ARMCX6: variants seen among roughly 807,000 people sequenced by gnomAD.
The protein encoded by ARMCX6 is armadillo repeat containing X-linked 6, also known as protein ARMCX6.
For missense variants in ARMCX6, 194 were observed against 186.0 expected (o/e 1.04, Z -0.25); for synonymous variants, 85 against 70.3 (o/e 1.21, Z -1.05).
chrX:101,616,918 C>T (rs1556036170), intron 2 of ARMCX6, 152 bp from the exon 3 acceptor site: 2 of 294,918 alleles, frequency 6.8e-6, no homozygotes, highest in Non-Finnish European at 1.2e-5. Context: ...ACCTCAGGAG[C>T]CCCCATTTCT....
At chrX:101,616,971 A>G (rs1473232825) in intron 2 of ARMCX6, 2 of 209,024 alleles carry the variant, frequency 9.6e-6, no homozygotes, top group East Asian at 8.8e-5. Flanking sequence ...GGTCTCTGCT[A>G]TGATAGCTAG....
chrX:101,617,050 C>T, intron 2 of ARMCX6: 1 of 131,052 alleles, frequency 7.6e-6, no homozygotes, highest in Non-Finnish European at 1.5e-5. Flanking sequence ...AGATTAAGGG[C>T]AGTTTCTCTC....
At position 101,616,318 on chromosome X, in the gene ARMCX6, T is replaced by C. The variant is rs782137899; in HGVS notation, c.303A>G (p.Lys101=). 15 of 1,209,480 alleles carry C rather than the reference T, an allele frequency of 1.2e-5. No homozygotes were observed. The highest frequency in any genetic ancestry group is 1.7e-5 in the Non-Finnish European group (15 of 895,092). The change falls in exon 3 of 3, where the codon AAA becomes AAG. Residue 101 remains lysine (K), a synonymous_variant. Coordinates refer to ENST00000361910, the MANE Select transcript of ARMCX6 (RefSeq NM_019007.4). ...TATGTTCATAGGGGAATGGCCGCTG[T>C]TTTATTGGGTGTGCTCGGTTGGCCT... ...GGKANRAHPI[K]QRPFPYEHKN...
Position 101,616,186 on chromosome X carries a change from C to G in ARMCX6, c.435G>C (p.Ala145=). ...GKLLFAEPKD[A]GFPFSQDINS... ...TGATATCCTGGCTAAATGGAAAGCC[C>G]GCATCCTTGGGCTCGGCAAACAACA... is the stretch of plus-strand genomic sequence containing the variant. Residue 145 remains alanine (A), a synonymous_variant, in exon 3 of 3, where the codon GCG becomes GCC. Coordinates refer to ENST00000361910, the MANE Select transcript of ARMCX6 (RefSeq NM_019007.4). The G allele has an allele frequency of 2.5e-6, 3 of 1,209,025 alleles. No homozygotes were observed. The highest frequency in any genetic ancestry group is 3.4e-6 in the Non-Finnish European group (3 of 894,912).
In ARMCX6 at chrX:101,615,915, C is replaced by T. The variant is rs1556035536; in HGVS notation, c.706G>A (p.Ala236Thr). Reference protein sequence around the residue: ...TVINNMLAKSASDLKFPLISE... With the variant: ...TVINNMLAKSTSDLKFPLISE... Reference sequence around the variant, plus strand: ...ATCAAAGGAAACTTCAAGTCTGAAGCGGACTTGGCAAGCATGTTATTAATA... The same window carrying T: ...ATCAAAGGAAACTTCAAGTCTGAAGTGGACTTGGCAAGCATGTTATTAATA... Residue 236 changes from alanine (A) to threonine (T), a missense_variant, in exon 3 of 3, where the codon GCT becomes ACT. By Grantham distance (58) the Ala-to-Thr change is moderately conservative. Transcript: ENST00000361910. 3 of 391,884 alleles carry T rather than the reference C, an allele frequency of 7.7e-6. No individual in the cohort carries two copies. Among genetic ancestry groups the T allele is most frequent in the South Asian group, 3.6e-5 (1 of 27,906 alleles). 32.3% of individuals were successfully genotyped at this position (391,884 alleles called of 1,213,427 possible). A position where few individuals can be genotyped will look rare whatever the true frequency, so the allele number is the denominator to read the frequency against.
At position 101,615,709 on chromosome X, in the gene ARMCX6, G is replaced by C; in HGVS notation, c.*9C>G. ...GTGGATTCCGTCCCATTGTGTTCGA[G>C]AGGGCCGTTTATGGGGCAGGGGTTT... On this transcript the variant is annotated 3_prime_UTR_variant, in exon 3 of 3. Transcript: ENST00000361910. The C allele has an allele frequency of 7.4e-6, 1 of 135,861 alleles. No homozygotes were observed. The highest frequency in any genetic ancestry group is 1.2e-5 in the Non-Finnish European group (1 of 85,176). 11.2% of individuals were successfully genotyped at this position (135,861 alleles called of 1,213,427 possible).
rs146604802 is a variant in ARMCX6 at position 101,616,397 on chromosome X, C to G, written c.224G>C (p.Trp75Ser). The G allele has an allele frequency of 2.3e-5, 28 of 1,209,438 alleles. No individual in the cohort carries two copies. Among genetic ancestry groups the G allele is most frequent in the Non-Finnish European group, 3.0e-5 (27 of 895,036 alleles). ...MARPWTEDGD[W>S]TEPGAPGGTE... The stretch of plus-strand genomic sequence containing the variant: ...GCCACCTGGGGCCCCAGGTTCAGTC[C>G]AATCCCCATCCTCAGTCCAGGGCCG... The change falls in exon 3 of 3, where the codon TGG becomes TCG. Residue 75 changes from tryptophan (W) to serine (S), a missense_variant. By Grantham distance (177) the Trp-to-Ser change is radical. Transcript: ENST00000361910.
Position 101,616,719 on chromosome X carries a change from A to G in ARMCX6, c.-99T>C. The G allele has an allele frequency of 4.5e-6, 5 of 1,111,009 alleles. No individual in the cohort carries two copies. The highest frequency in any genetic ancestry group is 1.8e-5 in the African/African-American group (1 of 54,282). 91.6% of individuals were successfully genotyped at this position (1,111,009 alleles called of 1,213,427 possible). On this transcript the variant is annotated 5_prime_UTR_variant, in exon 3 of 3. Transcript: ENST00000361910. ...TCCAGGGTGAGTAAGGATGGAGGGT[A>G]GCAGTCTTCAGCTTCTTCCAGGCTC...
At position 101,616,719 on chromosome X, in the gene ARMCX6, A is replaced by T. The variant is rs1935822253; in HGVS notation, c.-99T>A. The T allele has an allele frequency of 1.8e-6, 2 of 1,109,593 alleles. No homozygotes were observed. The highest frequency in any genetic ancestry group is 6.9e-5 in the Admixed American group (2 of 28,989). The allele number at this position is 1,109,593 out of a possible 1,213,427, so 91.4% of individuals were successfully genotyped here. A position where few individuals can be genotyped will look rare whatever the true frequency, so the allele number is the denominator to read the frequency against. ...TCCAGGGTGAGTAAGGATGGAGGGT[A>T]GCAGTCTTCAGCTTCTTCCAGGCTC... On this transcript the variant is annotated 5_prime_UTR_variant, in exon 3 of 3. Transcript: ENST00000361910.
Position 101,616,540 on chromosome X carries a change from C to T in ARMCX6, c.81G>A (p.Leu27=). Residue 27 remains leucine, a synonymous_variant, in exon 3 of 3, where the codon CTG becomes CTA. Coordinates refer to ENST00000361910, the MANE Select transcript of ARMCX6 (RefSeq NM_019007.4). ...GAGACYCVYK[L]TIGRDDSEKL... is the part of the protein sequence containing the mutation. The stretch of plus-strand genomic sequence containing the variant: ...TCTCACTGTCATCTCTTCCTATGGT[C>T]AGTTTGTAAACGCAGTAGCAGGCAC... 1 of 1,212,246 alleles carries T rather than the reference C, an allele frequency of 8.2e-7. No homozygotes were observed. Among genetic ancestry groups the T allele is most frequent in the East Asian group, 3.0e-5 (1 of 33,838 alleles).
In ARMCX6 at chrX:101,616,533, C is replaced by G. The variant is rs1935815946; in HGVS notation, c.88G>C (p.Gly30Arg). The G allele has an allele frequency of 2.5e-6, 3 of 1,212,200 alleles. No homozygotes were observed. In the East Asian group the frequency reaches 8.9e-5, roughly 36 times the overall value. The change falls in exon 3 of 3, where the codon GGA becomes CGA. Residue 30 changes from glycine to arginine, a missense_variant. Transcript: ENST00000361910. ...TCCAGCTTCTCACTGTCATCTCTTC[C>G]TATGGTCAGTTTGTAAACGCAGTAG... Reference protein sequence around the residue: ...ACYCVYKLTIGRDDSEKLEEE... With the variant: ...ACYCVYKLTIRRDDSEKLEEE...
intron 2 of ARMCX6, chrX:101,617,023 C>A (rs1295145853): frequency 7.0e-6 from 1 of 143,256 alleles, no homozygotes; most frequent in Non-Finnish European, 1.3e-5. Flanking sequence ...TCTCCTACAC[C>A]AGACCTCCAC....
At chrX:101,616,837 C>T (rs916986640) in intron 2 of ARMCX6, 71 bp from the exon 3 acceptor site, 1 of 566,532 alleles carries the variant, frequency 1.8e-6, no homozygotes. Flanking sequence ...GGGTGGATTT[C>T]GAGTTGGTGA....
chrX:101,617,262 A>G (rs1051026109), intron 2 of ARMCX6: 1 of 111,967 alleles, frequency 8.9e-6, no homozygotes, highest in African/African-American at 3.3e-5. Context: ...TAGACACTTG[A>G]GTTTAAAATA....
intron 2 of ARMCX6, 176 bp from the exon 3 acceptor site, chrX:101,616,942 C>T: frequency 3.9e-6 from 1 of 253,821 alleles, no homozygotes; most frequent in Non-Finnish European, 7.0e-6. Context: ...CCTGGGTCCA[C>T]AGGGAAGGGC....
In ARMCX6 at chrX:101,616,468, C is replaced by T. The variant is rs781827060; in HGVS notation, c.153G>A (p.Leu51=). The change falls in exon 3 of 3, where the codon CTG becomes CTA. Residue 51 remains leucine (L), a synonymous_variant. Coordinates refer to ENST00000361910, the MANE Select transcript of ARMCX6 (RefSeq NM_019007.4). ...ACCAAATATCAGGCTCCTCCTCATC[C>T]AGCTCCTGGTCATCGTCCCACTCCT... is the stretch of plus-strand genomic sequence containing the variant. The part of the protein sequence containing the change: ...GEEEWDDDQE[L]DEEEPDIWFD... 4.1e-6 allele frequency: 5 copies of T among 1,211,812 alleles called. No homozygotes were observed. In the South Asian group the frequency reaches 8.8e-5, roughly 21 times the overall value.
At chrX:101,616,828 G>C (rs1603240245) in intron 2 of ARMCX6, 62 bp from the exon 3 acceptor site, 6 of 624,376 alleles carry the variant, frequency 9.6e-6, no homozygotes, top group Non-Finnish European at 1.4e-5. Context: ...TCACAGACAG[G>C]GTGGATTTCG....
In ARMCX6 at chrX:101,616,282, C is replaced by G. The variant is rs1000592055; in HGVS notation, c.339G>C (p.Trp113Cys). The G allele has an allele frequency of 8.3e-7, 1 of 1,211,536 alleles. No homozygotes were observed. The highest frequency in any genetic ancestry group is 1.1e-6 in the Non-Finnish European group (1 of 895,485). Reference sequence around the variant, plus strand: ...TGCCATTTTTACAATTTTGAGCACTCCAAGTATTTTTATGTTCATAGGGGA... The same window carrying G: ...TGCCATTTTTACAATTTTGAGCACTGCAAGTATTTTTATGTTCATAGGGGA... ...RPFPYEHKNT[W>C]SAQNCKNGSC... Residue 113 changes from tryptophan to cysteine, a missense_variant, in exon 3 of 3, where the codon TGG (tryptophan) becomes TGC (cysteine). Coordinates refer to ENST00000361910, the MANE Select transcript of ARMCX6 (RefSeq NM_019007.4).
Position 101,616,574 on chromosome X carries a change from A to G in ARMCX6, c.47T>C (p.Ile16Thr), listed in dbSNP as rs1164489566. The G allele has an allele frequency of 5.0e-6, 6 of 1,210,215 alleles. No individual in the cohort carries two copies. The highest frequency in any genetic ancestry group is 5.9e-5 in the East Asian group (2 of 33,746). The part of the protein sequence containing the change: ...EVGWMAAGLM[I>T]GAGACYCVYK... Reference sequence around the variant, plus strand: ...AACGCAGTAGCAGGCACCAGCCCCAATCATCAGTCCTGCCGCCATCCAACC... The same window carrying G: ...AACGCAGTAGCAGGCACCAGCCCCAGTCATCAGTCCTGCCGCCATCCAACC... Residue 16 changes from isoleucine to threonine, a missense_variant, in exon 3 of 3, where the codon ATT (isoleucine) becomes ACT (threonine). Physicochemically the swap from Ile to Thr is moderately conservative, Grantham distance 89. Coordinates refer to ENST00000361910, the MANE Select transcript of ARMCX6 (RefSeq NM_019007.4).
Sources: gnomAD v4.1 joint callset for allele counts on GRCh38, gnomAD v4.1.1 for gene constraint, MANE v1.5 for transcripts, NCBI Gene and HGNC (gene_info 2026-07-23, HGNC 2026-07-21) for gene names.